Variants in SIDT1 observed in about 807,000 individuals in gnomAD.
The protein encoded by SIDT1 is SID1 transmembrane family, member 1.
Under a neutral mutation model 107.5 loss-of-function variants are expected in SIDT1, and 101 were observed. The ratio of observed to expected loss-of-function variants is 0.94; its 90% CI spans 0.80 to 1.11. SIDT1 has a LOEUF of 1.11. Ranked by LOEUF, SIDT1 falls within the 50% of genes least tolerant of loss-of-function variation. SIDT1 has a pLI of 0.00. For missense variants in SIDT1, 1,076 were observed against 1,058.2 expected, an observed-to-expected ratio of 1.02 and a Z score of -0.23; for synonymous variants, 395 against 398.2, an observed-to-expected ratio of 0.99 and a Z score of 0.10.
chr3:113,587,844 G>A (rs572900254), intron 9 of SIDT1, among the ~76,000 whole-genome samples: 50 of 152,314 alleles, frequency 3.3e-4, no homozygotes, highest in African/African-American at 1.0e-3. Flanking sequence ...AATGGGTCTA[G>A]AGTGGTCAGG....
chr3:113,612,410 GA>G, intron 19 of SIDT1: 1 of 610,520 alleles, frequency 1.6e-6, no homozygotes, highest in Non-Finnish European at 3.1e-6. Context: ...TTTCAGCTGA[GA>G]AACTAAGGTT....
In SIDT1 at chr3:113,560,028, G is replaced by A. The variant is rs1247395601; in HGVS notation, c.223-6392G>A. On this transcript the variant is annotated intron_variant, in intron 1 of 24. Coordinates refer to ENST00000264852, the MANE Select transcript of SIDT1 (RefSeq NM_017699.3). ...GACCAAGCATTGCATGGGGATTGGAGCACAGGCTTGGGTTCTAGTCATGAT... is the reference window on the plus strand; with the variant it reads ...GACCAAGCATTGCATGGGGATTGGAACACAGGCTTGGGTTCTAGTCATGAT... 3.3e-5 allele frequency among the ~76,000 whole-genome samples: 5 copies of A among 152,180 alleles called. No homozygotes were observed. The East Asian group carries it at 9.6e-4, about 29-fold the overall frequency.
intron 20 of SIDT1, among the ~76,000 whole-genome samples, chr3:113,617,078 A>G (rs2107772866): frequency 6.6e-6 from 1 of 152,322 alleles, no homozygotes; most frequent in African/African-American, 2.4e-5. Flanking sequence ...CTTATAAATA[A>G]TCATCCAAAG....
chr3:113,623,192 TAAAA>T (rs61454117), intron 21 of SIDT1, among the ~76,000 whole-genome samples: 543 of 53,830 alleles, frequency 0.01, 4 homozygotes, highest in African/African-American at 0.038. Flanking sequence ...CCCCAACTCT[TAAAA>T]AAAAAAAAAA....
intron 1 of SIDT1, among the ~76,000 whole-genome samples, chr3:113,556,821 C>CTTTTTTT (rs61672960): frequency 0.62 from 66,656 of 107,134 alleles, 22,126 homozygotes; most frequent in East Asian, 0.78. Flanking sequence ...GTTTCTTTTT[C>CTTTTTTT]TTTTTTTTTT....
chr3:113,619,333 T>C (rs1946307379), intron 20 of SIDT1, among the ~76,000 whole-genome samples: 1 of 152,190 alleles, frequency 6.6e-6, no homozygotes, highest in Non-Finnish European at 1.5e-5. Flanking sequence ...ATAGTACCAG[T>C]GACAGAATTC....
chr3:113,623,857 T>C (rs567486014), intron 23 of SIDT1, 124 bp downstream of exon 23: 88 of 662,026 alleles, frequency 1.3e-4, no homozygotes, highest in Non-Finnish European at 2.0e-4. Context: ...CTACCAGGGA[T>C]GGTTTTTAAT....
Position 113,581,346 on chromosome 3 carries a change from T to C in SIDT1, c.664-15T>C. On this transcript the variant is annotated splice_polypyrimidine_tract_variant and intron_variant, in intron 5 of 24. Transcript: ENST00000264852. ...TTATGGATGCTTTCCATTTTATTCC[T>C]CATGCATGCTGCAGTGCCCGGTGTA... 1 of 1,606,522 alleles carries C rather than the reference T, an allele frequency of 6.2e-7. No individual in the cohort carries two copies. Among genetic ancestry groups the C allele is most frequent in the Non-Finnish European group, 8.5e-7 (1 of 1,173,108 alleles).
chr3:113,567,826 A>T, intron 3 of SIDT1, 116 bp downstream of exon 3: 2 of 1,078,690 alleles, frequency 1.9e-6, no homozygotes, highest in Non-Finnish European at 2.7e-6. Context: ...TTAGCATATG[A>T]TTTTAGCACT....
chr3:113,602,846 G>A, intron 11 of SIDT1, 159 bp from the exon 12 acceptor site: 2 of 624,920 alleles, frequency 3.2e-6, no homozygotes, highest in Non-Finnish European at 5.1e-6. Context: ...AGTCCATTGA[G>A]AAGGAATAGA....
At chr3:113,591,107 C>T (rs1213523674) in intron 9 of SIDT1, among the ~76,000 whole-genome samples, 6 of 152,202 alleles carry the variant, frequency 3.9e-5, no homozygotes, top group Non-Finnish European at 8.8e-5. Context: ...GAATGATATA[C>T]TTTGCAGATG....
chr3:113,623,337 C>T (rs1381712766), intron 21 of SIDT1, 90 bp from the exon 22 acceptor site: 7 of 730,816 alleles, frequency 9.6e-6, no homozygotes, highest in African/African-American at 1.8e-5. Context: ...AGAACCTGCC[C>T]CTTCCCCCTC....
chr3:113,583,942 G>A (rs1353542373), intron 7 of SIDT1, among the ~76,000 whole-genome samples: 1 of 152,086 alleles, frequency 6.6e-6, no homozygotes, highest in African/African-American at 2.4e-5. Flanking sequence ...CATCTCAGTT[G>A]CCAAAATTAT....
intron 4 of SIDT1, among the ~76,000 whole-genome samples, chr3:113,577,503 C>CA (rs71633328): frequency 0.097 from 14,753 of 152,102 alleles, 921 homozygotes; most frequent in Non-Finnish European, 0.14. Flanking sequence ...AGAATTTTGA[C>CA]AAAAAACATC....
intron 3 of SIDT1, among the ~76,000 whole-genome samples, chr3:113,575,829 A>C (rs990449679): frequency 2.0e-5 from 3 of 152,198 alleles, no homozygotes; most frequent in South Asian, 2.1e-4. Context: ...GTGGAAAGAA[A>C]AAAATCTTCA....
At chr3:113,542,902 TTGTGTGTGTGTGTGTGTGTGTGTG>T (rs71625216) in intron 1 of SIDT1, among the ~76,000 whole-genome samples, 1 of 145,144 alleles carries the variant, frequency 6.9e-6, no homozygotes, top group South Asian at 2.3e-4. Flanking sequence ...TTTTGCTTGG[TTGTGTGTGTGTGTGTGTGTGTGTG>T]TGTGTGTGTG....
intron 1 of SIDT1, among the ~76,000 whole-genome samples, chr3:113,550,066 A>T (rs1445629703): frequency 6.6e-6 from 1 of 152,174 alleles, no homozygotes; most frequent in African/African-American, 2.4e-5. Flanking sequence ...TGGTGCAAAG[A>T]CTTGGAAGCA....
At chr3:113,612,487 C>T (rs891501810) in intron 19 of SIDT1, 19 of 498,316 alleles carry the variant, frequency 3.8e-5, no homozygotes, top group Admixed American at 3.1e-4. Context: ...GTCTGCCAAA[C>T]TTTGACTTGT....
At chr3:113,573,720 C>A (rs1942668367) in intron 3 of SIDT1, among the ~76,000 whole-genome samples, 1 of 152,114 alleles carries the variant, frequency 6.6e-6, no homozygotes, top group Non-Finnish European at 1.5e-5. Context: ...TCCTTTACAC[C>A]ACATGAGGAT....
Sources: allele counts gnomAD v4.1 joint callset (sites outside exome capture counted in the v4.1 genomes callset), GRCh38; gene constraint gnomAD v4.1.1; transcripts MANE v1.5; gene names NCBI Gene and HGNC (gene_info 2026-07-23, HGNC 2026-07-21).